The following CSMD2 variants were observed in gnomAD, a reference collection of about 807,000 sequenced individuals.
The protein encoded by CSMD2 is CUB and sushi domain-containing protein 2.
CSMD2 carries 130 observed loss-of-function variants against 398.5 expected under a neutral mutation model. The ratio of observed to expected loss-of-function variants is 0.33; its 90% confidence interval spans 0.28 to 0.38. CSMD2 has a LOEUF of 0.38. CSMD2 is among the 10% of genes least tolerant of loss of function. The probability of loss-of-function intolerance (pLI) is 1.00; values close to 1 mark genes in which losing one functional copy is unlikely to be tolerated. For missense variants in CSMD2, 3,829 were observed against 4,764.9 expected (o/e 0.80, Z 5.78); for synonymous variants, 1,828 against 1,908.5 (o/e 0.96, Z 1.10).
chr1:33,678,341 T>G (rs186974524), intron 25 of CSMD2, among the ~76,000 whole-genome samples: 1 of 148,784 alleles, frequency 6.7e-6, no homozygotes, highest in African/African-American at 2.5e-5. Flanking sequence ...AAGAAAGACA[T>G]GCAAAAATGA....
rs1641905598 is a variant in CSMD2 at position 33,623,537 on chromosome 1, C to T, written c.5626-71G>A. The stretch of plus-strand genomic sequence containing the variant: ...CTCCCTCCTTCTCTGCTTTCCCTTT[C>T]TGCCCTTCCCGTAGTTAATTCAATT... On this transcript the variant is annotated intron_variant, in intron 35 of 70. Transcript: ENST00000373381. 6.6e-6 allele frequency: 7 copies of T among 1,056,566 alleles called. No individual in the cohort carries two copies. The South Asian group carries it at 8.9e-5, about 13-fold the overall frequency. 65.4% of individuals were successfully genotyped at this position (1,056,566 alleles called of 1,614,324 possible).
chr1:34,117,638 A>T (rs1297417254), intron 1 of CSMD2, among the ~76,000 whole-genome samples: 4 of 152,002 alleles, frequency 2.6e-5, no homozygotes, highest in Non-Finnish European at 5.9e-5. Context: ...TACCAAAATC[A>T]AAGATACTAC....
At chr1:33,600,134 G>A (rs1487481685) in intron 44 of CSMD2, 2 of 712,914 alleles carry the variant, frequency 2.8e-6, no homozygotes, top group South Asian at 3.0e-5. Context: ...AGAAACTGAA[G>A]TCTCAAGTGG....
At chr1:33,583,591 C>G (rs367725156) in intron 47 of CSMD2, 51 bp downstream of exon 47, 1 of 1,563,040 alleles carries the variant, frequency 6.4e-7, no homozygotes. Context: ...GGTTCTGGAG[C>G]AAGTCCATGT....
At chr1:33,608,077 G>A (rs1202186827) in intron 41 of CSMD2, among the ~76,000 whole-genome samples, 1 of 152,152 alleles carries the variant, frequency 6.6e-6, no homozygotes, top group East Asian at 1.9e-4. Context: ...ACCTCAGGGG[G>A]ACAGCGGGGC....
chr1:34,066,625 A>G (rs1258622976), intron 2 of CSMD2, among the ~76,000 whole-genome samples: 1 of 152,150 alleles, frequency 6.6e-6, no homozygotes, highest in Non-Finnish European at 1.5e-5. Flanking sequence ...AGCTGCAGAG[A>G]CAAGTGGGCT....
Position 33,557,244 on chromosome 1 carries a change from GAATTTTTCCCAAACCACACT to G in CSMD2, c.8743+470_8743+489del, listed in dbSNP as rs1158574542. 2.4e-4 allele frequency among the ~76,000 whole-genome samples: 36 copies of G among 152,248 alleles called. No homozygotes were observed. In the East Asian group the frequency reaches 6.9e-3, roughly 29 times the overall value. The stretch of plus-strand genomic sequence containing the variant: ...GAAACTGACGCTCTGAGAGGTTAGT[GAATTTTTCCCAAACCACACT>G]ACTTGTTCAGTAGCAAAGCCAGAAT... On this transcript the variant is annotated intron_variant, in intron 55 of 70. Coordinates refer to ENST00000373381, the MANE Select transcript of CSMD2 (RefSeq NM_001281956.2).
At chr1:33,643,269 A>T (rs1643215013) in intron 29 of CSMD2, among the ~76,000 whole-genome samples, 1 of 152,244 alleles carries the variant, frequency 6.6e-6, no homozygotes. Flanking sequence ...CTGGCAAAGC[A>T]TATGGGACAC....
chr1:34,084,919 A>T (rs1000079672), intron 2 of CSMD2, among the ~76,000 whole-genome samples: 2 of 152,216 alleles, frequency 1.3e-5, no homozygotes, highest in African/African-American at 4.8e-5. Flanking sequence ...TGCTGTAAAG[A>T]CACATGTACA....
In CSMD2 at chr1:33,726,642, G is replaced by C. The variant is rs140431671; in HGVS notation, c.2412C>G (p.Leu804=). ...GHLTSPSGTI[L]SPGWPGFYKD... is the part of the protein sequence containing the mutation. The stretch of plus-strand genomic sequence containing the variant: ...TGTAGAAGCCAGGCCAGCCCGGAGA[G>C]AGGATGGTGCCGCTGGGCGAAGTCA... The change falls in exon 16 of 71, where the codon CTC becomes CTG. Residue 804 remains leucine, a synonymous_variant. Transcript: ENST00000373381. The C allele has an allele frequency of 5.0e-6, 8 of 1,613,420 alleles. No homozygotes were observed. Among genetic ancestry groups the C allele is most frequent in the East Asian group, 2.2e-5 (1 of 44,878 alleles).
intron 66 of CSMD2, 152 bp from the exon 67 acceptor site, chr1:33,523,571 G>T: frequency 5.1e-6 from 3 of 585,302 alleles, no homozygotes; most frequent in Non-Finnish European, 9.1e-6. Context: ...CGTAAGTGTA[G>T]TGTTGAGTGT....
chr1:33,710,097 T>C (rs552397467), intron 21 of CSMD2, among the ~76,000 whole-genome samples: 86 of 152,348 alleles, frequency 5.6e-4, no homozygotes, highest in Middle Eastern at 6.8e-3. Flanking sequence ...TTAACATTTC[T>C]ATGTCCTCTA....
chr1:33,774,307 G>T (rs1275152015), intron 12 of CSMD2, among the ~76,000 whole-genome samples: 1 of 152,102 alleles, frequency 6.6e-6, no homozygotes, highest in Non-Finnish European at 1.5e-5. Context: ...TACATCTGCT[G>T]AAAACATAGC....
chr1:34,160,139 C>T lies in CSMD2; in HGVS notation c.187+4772G>A, dbSNP rs143534328. On this transcript the variant is annotated intron_variant, in intron 1 of 70. Transcript: ENST00000373381. Reference sequence around the variant, plus strand: ...GCTGAAGCTGCCTGCTGGGCTCTGCCGGAGAAACCCAAACCAGGCAGTGTC... The same window carrying T: ...GCTGAAGCTGCCTGCTGGGCTCTGCTGGAGAAACCCAAACCAGGCAGTGTC... Among the ~76,000 whole-genome samples, 1,300 of 152,242 alleles carry T rather than the reference C, an allele frequency of 8.5e-3. 12 individuals are homozygous for T. Among genetic ancestry groups the T allele is most frequent in the South Asian group, 0.056 (271 of 4,804 alleles).
chr1:33,822,149 A>C (rs1473860333), intron 7 of CSMD2, among the ~76,000 whole-genome samples: 1 of 152,052 alleles, frequency 6.6e-6, no homozygotes, highest in Non-Finnish European at 1.5e-5. Flanking sequence ...TGAGTTAGGA[A>C]ATTTTGTGAT....
chr1:33,612,684 T>C (rs1641090575), intron 40 of CSMD2, among the ~76,000 whole-genome samples: 1 of 24,954 alleles, frequency 4.0e-5, no homozygotes, highest in African/African-American at 1.7e-4. Flanking sequence ...TTGTGATGGT[T>C]TTTTTTTTTT....
At chr1:33,820,585 A>AAC (rs1658016839) in intron 7 of CSMD2, 29 bp from the exon 8 acceptor site, 1 of 1,103,156 alleles carries the variant, frequency 9.1e-7, no homozygotes, top group East Asian at 2.4e-5. Context: ...AAAAAAAAAA[A>AAC]AAACAGCACA....
In CSMD2 at chr1:34,106,359, C is replaced by A. The variant is rs1365738788; in HGVS notation, c.188-17166G>T. Reference sequence around the variant, plus strand: ...ACTAACATTATCTCTCTAACATTTGCAATGACCCTTTTGAAATGGCTGTTA... The same window carrying A: ...ACTAACATTATCTCTCTAACATTTGAAATGACCCTTTTGAAATGGCTGTTA... On this transcript the variant is annotated intron_variant, in intron 1 of 70. Coordinates refer to ENST00000373381, the MANE Select transcript of CSMD2 (RefSeq NM_001281956.2). Among the ~76,000 whole-genome samples, 3 of 152,154 alleles carry A rather than the reference C, an allele frequency of 2.0e-5. No homozygotes were observed. The East Asian group carries it at 5.8e-4, about 29-fold the overall frequency.
intron 9 of CSMD2, among the ~76,000 whole-genome samples, chr1:33,816,031 C>A (rs1557939767): frequency 6.6e-6 from 1 of 152,004 alleles, no homozygotes; most frequent in Non-Finnish European, 1.5e-5. Flanking sequence ...ATTTAATTCA[C>A]CCTGGTTTGT....
Sources: gnomAD v4.1 joint callset for allele counts (sites outside exome capture counted in the v4.1 genomes callset) on GRCh38, gnomAD v4.1.1 for gene constraint, MANE v1.5 for transcripts, NCBI Gene and HGNC (gene_info 2026-07-23, HGNC 2026-07-21) for gene names.